The following KIAA1328 variants were observed in gnomAD, a reference collection of about 807,000 sequenced individuals.
KIAA1328 encodes protein hinderin.
Under a neutral mutation model 68.1 loss-of-function variants are expected in KIAA1328, and 52 were observed. The ratio of observed to expected loss-of-function variants is 0.76; its 90% CI spans 0.61 to 0.96. The LOEUF is 0.96. Ranked by LOEUF, KIAA1328 falls within the 40% of genes least tolerant of loss-of-function variation. The probability of loss-of-function intolerance (pLI) is 0.00; values close to 1 mark genes in which losing one functional copy is unlikely to be tolerated. For missense variants in KIAA1328, 641 were observed against 677.6 expected (o/e 0.95, Z 0.60); for synonymous variants, 232 against 239.4 (o/e 0.97, Z 0.28).
chr18:37,021,408 G>A (rs1430130627), intron 6 of KIAA1328, among the ~76,000 whole-genome samples: 4 of 152,072 alleles, frequency 2.6e-5, no homozygotes, highest in African/African-American at 9.7e-5. Context: ...AACATTAGTG[G>A]CAATGAAACT....
chr18:37,085,273 C>T (rs1044639657), intron 7 of KIAA1328, among the ~76,000 whole-genome samples: 4 of 152,130 alleles, frequency 2.6e-5, no homozygotes, highest in Non-Finnish European at 5.9e-5. Flanking sequence ...ATGTTAGCGT[C>T]TGAGGCAAAG....
chr18:37,164,372 A>G (rs2059343119), intron 8 of KIAA1328, among the ~76,000 whole-genome samples: 1 of 152,232 alleles, frequency 6.6e-6, no homozygotes, highest in South Asian at 2.1e-4. Context: ...GATTTTAAGC[A>G]AAATATATGT....
At chr18:36,922,555 T>C (rs977793265) in intron 5 of KIAA1328, among the ~76,000 whole-genome samples, 10 of 152,202 alleles carry the variant, frequency 6.6e-5, no homozygotes, top group Non-Finnish European at 1.3e-4. Context: ...CAGGGGTTTG[T>C]GTGGTTTTAT....
chr18:36,864,535 G>A (rs2150903019), intron 4 of KIAA1328, among the ~76,000 whole-genome samples: 1 of 148,806 alleles, frequency 6.7e-6, no homozygotes, highest in South Asian at 2.1e-4. Context: ...GTTTTTATGT[G>A]TTGTAGGATT....
chr18:36,868,445 A>T (rs2047828958), intron 4 of KIAA1328, among the ~76,000 whole-genome samples: 1 of 152,132 alleles, frequency 6.6e-6, no homozygotes, highest in African/African-American at 2.4e-5. Flanking sequence ...ATTTTTGAAG[A>T]CTTGAAAAAT....
intron 6 of KIAA1328, among the ~76,000 whole-genome samples, chr18:37,000,967 A>G (rs553988203): frequency 2.6e-5 from 4 of 152,054 alleles, no homozygotes; most frequent in Non-Finnish European, 4.4e-5. Context: ...GAATTAACCA[A>G]TGCTCTTGCA....
At chr18:37,167,332 C>T (rs1455609700) in intron 8 of KIAA1328, among the ~76,000 whole-genome samples, 1 of 152,182 alleles carries the variant, frequency 6.6e-6, no homozygotes, top group African/African-American at 2.4e-5. Context: ...GGACAGAGGG[C>T]TTTCTGTATC....
At chr18:37,049,067 T>G (rs1396242503) in intron 6 of KIAA1328, among the ~76,000 whole-genome samples, 1 of 152,242 alleles carries the variant, frequency 6.6e-6, no homozygotes, top group Non-Finnish European at 1.5e-5. Flanking sequence ...CATTGTGCAC[T>G]GCTGTCTCTT....
intron 9 of KIAA1328, among the ~76,000 whole-genome samples, chr18:37,192,075 G>A (rs2059915292): frequency 6.6e-6 from 1 of 151,802 alleles, no homozygotes; most frequent in Non-Finnish European, 1.5e-5. Flanking sequence ...TTAACCTCCA[G>A]CTCATCCTGT....
At chr18:37,075,323 C>A (rs1029897870) in intron 7 of KIAA1328, 3 of 152,174 alleles carry the variant, frequency 2.0e-5, no homozygotes, top group African/African-American at 7.2e-5. Flanking sequence ...AAAAGAGCTC[C>A]TGAAGGAAGC....
chr18:36,969,369 A>G (rs908263277), intron 6 of KIAA1328, among the ~76,000 whole-genome samples: 4 of 152,132 alleles, frequency 2.6e-5, no homozygotes, highest in African/African-American at 9.7e-5. Flanking sequence ...GAAAAAAATT[A>G]ATAAGCTGGA....
intron 9 of KIAA1328, among the ~76,000 whole-genome samples, chr18:37,207,014 A>G (rs2060228588): frequency 6.6e-6 from 1 of 152,216 alleles, no homozygotes; most frequent in South Asian, 2.1e-4. Context: ...GTGGAAAGGC[A>G]AATCAGAACA....
intron 9 of KIAA1328, among the ~76,000 whole-genome samples, chr18:37,186,564 CAAAAAAAA>C (rs397858280): frequency 1.4e-5 from 1 of 73,176 alleles, no homozygotes; most frequent in Non-Finnish European, 2.6e-5. Context: ...GAAACCCTAT[CAAAAAAAA>C]AAAAAAAAAA....
At chr18:37,009,175 C>A (rs578055136) in intron 6 of KIAA1328, among the ~76,000 whole-genome samples, 4 of 151,616 alleles carry the variant, frequency 2.6e-5, no homozygotes, top group African/African-American at 9.8e-5. Flanking sequence ...GGTACTGAAA[C>A]ACTTTCTGTG....
intron 7 of KIAA1328, among the ~76,000 whole-genome samples, chr18:37,123,392 G>A (rs2058317986): frequency 6.6e-6 from 1 of 152,084 alleles, no homozygotes. Context: ...AAAAAAAAGA[G>A]AAGCTTGATT....
At position 37,027,782 on chromosome 18, in the gene KIAA1328, CA is replaced by C. The variant is rs2054647762; in HGVS notation, c.577-39106del. On this transcript the variant is annotated intron_variant, in intron 6 of 9. Coordinates refer to ENST00000280020, the MANE Select transcript of KIAA1328 (RefSeq NM_020776.3). ...TAAAAACCCTAGAAGAAAACCTAGG[CA>C]ATACCATTCAGGACATAGGCATGGG... Among the ~76,000 whole-genome samples the C allele has an allele frequency of 4.6e-5, 7 of 152,152 alleles. No homozygotes were observed. In the South Asian group the frequency reaches 1.5e-3, roughly 32 times the overall value.
At chr18:37,187,018 G>A (rs1313301654) in intron 9 of KIAA1328, among the ~76,000 whole-genome samples, 1 of 152,096 alleles carries the variant, frequency 6.6e-6, no homozygotes, top group Non-Finnish European at 1.5e-5. Flanking sequence ...TACTAAATTA[G>A]CCGGGTATGG....
chr18:36,985,822 A>G (rs1375340610), intron 6 of KIAA1328, among the ~76,000 whole-genome samples: 2 of 152,226 alleles, frequency 1.3e-5, no homozygotes, highest in African/African-American at 4.8e-5. Context: ...ATACAACACC[A>G]GAAGGACAAT....
chr18:37,027,763 C>T (rs2054647274), intron 6 of KIAA1328, among the ~76,000 whole-genome samples: 1 of 151,988 alleles, frequency 6.6e-6, no homozygotes, highest in East Asian at 1.9e-4. Flanking sequence ...ACCATAAAAA[C>T]CCTAGAAGAA....
Sources: allele counts gnomAD v4.1 joint callset (sites outside exome capture counted in the v4.1 genomes callset), GRCh38; gene constraint gnomAD v4.1.1; transcripts MANE v1.5; gene names NCBI Gene and HGNC (gene_info 2026-07-23, HGNC 2026-07-21).